Variants in PPDPFL observed in about 807,000 individuals in gnomAD.
PPDPFL encodes the protein pancreatic progenitor cell differentiation and proliferation factor-like protein.
A neutral mutation model predicts 12.6 loss-of-function variants in PPDPFL; 12 were observed. That is an observed-to-expected ratio of 0.95 (90% CI 0.61 to 1.54). PPDPFL has a LOEUF of 1.54. Among genes scored for constraint, PPDPFL ranks in the 40% most tolerant of loss-of-function variants. The probability of loss-of-function intolerance (pLI) is 0.00; values close to 1 mark genes in which losing one functional copy is unlikely to be tolerated. For missense variants in PPDPFL, 114 were observed against 96.0 expected, an observed-to-expected ratio of 1.19 and a Z score of -0.78; for synonymous variants, 24 against 32.7, an observed-to-expected ratio of 0.73 and a Z score of 0.91.
At chr8:49,057,263 T>C (rs1344937055) in intron 1 of PPDPFL, among the ~76,000 whole-genome samples, 1 of 152,162 alleles carries the variant, frequency 6.6e-6, no homozygotes, top group African/African-American at 2.4e-5. Flanking sequence ...TTTATCAACA[T>C]TTTTATTAGT....
chr8:49,055,710 T>G (rs1808101735), intron 1 of PPDPFL, among the ~76,000 whole-genome samples: 1 of 152,120 alleles, frequency 6.6e-6, no homozygotes, highest in African/African-American at 2.4e-5. Flanking sequence ...TAATAAGGCA[T>G]TTCAGATTTG....
Position 49,074,434 on chromosome 8 carries a change from C to T in PPDPFL, c.233+101C>T, listed in dbSNP as rs1325472662. ...ACTCACTTAGGGTACATAGTTGTCTCTTGAGAGCAGTGAGCCTTGCCTATG... is the reference window on the plus strand; with the variant it reads ...ACTCACTTAGGGTACATAGTTGTCTTTTGAGAGCAGTGAGCCTTGCCTATG... On this transcript the variant is annotated intron_variant, in intron 4 of 4. Coordinates refer to ENST00000522267, the MANE Select transcript of PPDPFL (RefSeq NM_001256597.2). The T allele has an allele frequency of 3.2e-6, 5 of 1,558,832 alleles. No homozygotes were observed. The Admixed American group carries it at 9.6e-5, about 30-fold the overall frequency.
At chr8:49,073,671 C>A (rs1321416970) in intron 2 of PPDPFL, among the ~76,000 whole-genome samples, 1 of 152,094 alleles carries the variant, frequency 6.6e-6, no homozygotes, top group Admixed American at 6.6e-5. Flanking sequence ...TCCTTAATTT[C>A]TAGATTTGAT....
At position 49,072,475 on chromosome 8, in the gene PPDPFL, ACAAATCGGTGAGTGACTAC is replaced by A. The variant is rs1808408216; in HGVS notation, c.-50_-45+13del. 1 of 165,248 alleles carries A rather than the reference ACAAATCGGTGAGTGACTAC, an allele frequency of 6.1e-6. No homozygotes were observed. Among genetic ancestry groups the A allele is most frequent in the South Asian group, 1.9e-4 (1 of 5,374 alleles). 10.2% of individuals were successfully genotyped at this position (165,248 alleles called of 1,614,324 possible). A position where few individuals can be genotyped will look rare whatever the true frequency, so the allele number is the denominator to read the frequency against. ...ATTTTAAAAGAACGAATTGGAGAAA[ACAAATCGGTGAGTGACTAC>A]CTCATGGCTGAGTTAACACTTCTCT... is the stretch of plus-strand genomic sequence containing the variant. On this transcript the variant is annotated splice_donor_variant and splice_donor_5th_base_variant and 5_prime_UTR_variant and intron_variant, in exon 1 of 5. Coordinates refer to ENST00000522267, the MANE Select transcript of PPDPFL (RefSeq NM_001256597.2). LOFTEE classifies it low-confidence loss of function (5UTR_SPLICE).
At chr8:49,071,895 G>A (rs1161173911), upstream of PPDPFL, among the ~76,000 whole-genome samples, 1 of 152,152 alleles carries the variant, frequency 6.6e-6, no homozygotes, top group Non-Finnish European at 1.5e-5. Context: ...GTTTCCTAGA[G>A]TGCTTTCTTG....
At chr8:49,074,201 T>C in intron 3 of PPDPFL, 33 bp from the exon 4 acceptor site, 1 of 1,605,686 alleles carries the variant, frequency 6.2e-7, no homozygotes, top group Non-Finnish European at 8.5e-7. Flanking sequence ...TCAAATTTGT[T>C]TGATAAGGAG....
intron 1 of PPDPFL, among the ~76,000 whole-genome samples, chr8:49,057,095 C>T (rs1000903807): frequency 6.6e-5 from 10 of 152,126 alleles, no homozygotes; most frequent in Non-Finnish European, 1.3e-4. Flanking sequence ...AAGCTTGTGA[C>T]ATATGTGCAA....
At chr8:49,065,835 A>G (rs1316483109) in intron 1 of PPDPFL, among the ~76,000 whole-genome samples, 1 of 152,166 alleles carries the variant, frequency 6.6e-6, no homozygotes, top group Non-Finnish European at 1.5e-5. Context: ...ATTTTGGGGG[A>G]ACCTAACACT....
intron 4 of PPDPFL, chr8:49,074,563 T>G (rs1808457506): frequency 6.5e-7 from 1 of 1,536,030 alleles, no homozygotes; most frequent in African/African-American, 1.4e-5. Context: ...TCAAGAGTGG[T>G]GGAGAAGTCA....
chr8:49,065,846 C>A (rs983387915), intron 1 of PPDPFL, among the ~76,000 whole-genome samples: 1 of 152,224 alleles, frequency 6.6e-6, no homozygotes, highest in African/African-American at 2.4e-5. Context: ...ACCTAACACT[C>A]TGTGCCACTC....
At chr8:49,064,354 T>A (rs182617779) in intron 1 of PPDPFL, among the ~76,000 whole-genome samples, 4 of 152,168 alleles carry the variant, frequency 2.6e-5, no homozygotes, top group South Asian at 2.1e-4. Context: ...CCAGAGAGGG[T>A]GGGAGTCACT....
At chr8:49,069,838 G>C (rs769550085), upstream of PPDPFL, among the ~76,000 whole-genome samples, 4 of 152,188 alleles carry the variant, frequency 2.6e-5, no homozygotes, top group Non-Finnish European at 5.9e-5. Flanking sequence ...AGGAGGCTGA[G>C]GCAGGAGAAT....
intron 1 of PPDPFL, among the ~76,000 whole-genome samples, chr8:49,063,364 T>G (rs1808243887): frequency 1.3e-5 from 2 of 152,224 alleles, no homozygotes; most frequent in East Asian, 1.9e-4. Flanking sequence ...ATAGCCAAGA[T>G]AGTAAATGTT....
chr8:49,062,858 C>A (rs185123779), intron 1 of PPDPFL, among the ~76,000 whole-genome samples: 1 of 152,180 alleles, frequency 6.6e-6, no homozygotes, highest in African/African-American at 2.4e-5. Context: ...TATTCATGAT[C>A]TCTGGCCTGG....
intron 1 of PPDPFL, 35 bp from the exon 2 acceptor site, chr8:49,072,752 C>A: frequency 2.0e-6 from 2 of 1,013,612 alleles, no homozygotes; most frequent in Non-Finnish European, 2.9e-6. Context: ...CCCTGTTATT[C>A]ATATCAATGT....
upstream of PPDPFL, among the ~76,000 whole-genome samples, chr8:49,070,168 C>T (rs1289763035): frequency 2.0e-5 from 3 of 152,068 alleles, no homozygotes; most frequent in Non-Finnish European, 4.4e-5. Context: ...CACATGTTCT[C>T]ACGTAAAAGT....
At chr8:49,058,987 C>T (rs1427517743) in intron 1 of PPDPFL, among the ~76,000 whole-genome samples, 1 of 152,174 alleles carries the variant, frequency 6.6e-6, no homozygotes, top group East Asian at 1.9e-4. Flanking sequence ...GTATATTGCA[C>T]AGTCGGAGTG....
At chr8:49,065,930 G>C (rs1280206019) in intron 1 of PPDPFL, among the ~76,000 whole-genome samples, 1 of 152,222 alleles carries the variant, frequency 6.6e-6, no homozygotes, top group East Asian at 1.9e-4. Flanking sequence ...ACATGATACG[G>C]CCTAGAAAGG....
chr8:49,055,554 A>G (rs1808099898), intron 1 of PPDPFL, among the ~76,000 whole-genome samples: 1 of 152,138 alleles, frequency 6.6e-6, no homozygotes, highest in African/African-American at 2.4e-5. Context: ...TTTAAATATG[A>G]TATTACATTG....
Sources: gnomAD v4.1 joint callset for allele counts (sites outside exome capture counted in the v4.1 genomes callset) on GRCh38, gnomAD v4.1.1 for gene constraint, MANE v1.5 for transcripts, NCBI Gene and HGNC (gene_info 2026-07-23, HGNC 2026-07-21) for gene names.